Variants in TULP4 observed in about 807,000 individuals in gnomAD.
TULP4 encodes the protein tubby-related protein 4.
Under a neutral mutation model 129.0 loss-of-function variants are expected in TULP4, and 16 were observed. That is an observed-to-expected ratio of 0.12 (90% CI 0.08 to 0.19). The LOEUF is 0.19. Among genes scored for constraint, TULP4 ranks in the 10% least tolerant of loss-of-function variants. The pLI is 1.00. For synonymous variants in TULP4, 998 were observed against 854.0 expected (o/e 1.17, Z -2.94); for missense variants, 1,842 against 2,059.1 (o/e 0.89, Z 2.04).
At chr6:158,444,219 CAAAAAAAAAAAAAA>C (rs71030171) in intron 3 of TULP4, among the ~76,000 whole-genome samples, 2 of 34,130 alleles carry the variant, frequency 5.9e-5, no homozygotes, top group South Asian at 2.8e-3. Flanking sequence ...GACTCTGTCT[CAAAAAAAAAAAAAA>C]AAAAAAAAAA....
intron 1 of TULP4, among the ~76,000 whole-genome samples, chr6:158,233,050 T>G (rs1162351453): frequency 1.3e-5 from 2 of 152,234 alleles, no homozygotes; most frequent in Admixed American, 1.3e-4. Flanking sequence ...TTGGGGCAAT[T>G]AGCTGGGAGG....
chr6:158,281,160 GGTAT>G (rs1338162068), upstream of TULP4, among the ~76,000 whole-genome samples: 520 of 152,044 alleles, frequency 3.4e-3, 5 homozygotes, highest in African/African-American at 0.012. Flanking sequence ...GCATTTTACT[GGTAT>G]CTCAGCGAGG....
At chr6:158,454,247 A>C (rs1301646075) in intron 5 of TULP4, among the ~76,000 whole-genome samples, 1 of 152,112 alleles carries the variant, frequency 6.6e-6, no homozygotes, top group South Asian at 2.1e-4. Context: ...ATGAACTTAA[A>C]TTCCTGTGCT....
intron 1 of TULP4, among the ~76,000 whole-genome samples, chr6:158,379,564 T>C (rs1777277117): frequency 6.6e-6 from 1 of 152,164 alleles, no homozygotes; most frequent in Non-Finnish European, 1.5e-5. Flanking sequence ...AGTTTCTACG[T>C]GTTTAGCCTT....
chr6:158,385,988 G>A (rs1194399852), intron 1 of TULP4, among the ~76,000 whole-genome samples: 1 of 151,530 alleles, frequency 6.6e-6, no homozygotes, highest in African/African-American at 2.4e-5. Context: ...GGGACTACAA[G>A]TGTGCACCAC....
chr6:158,471,663 C>T (rs1270854844), intron 6 of TULP4, among the ~76,000 whole-genome samples: 12 of 152,118 alleles, frequency 7.9e-5, no homozygotes, highest in Admixed American at 7.9e-4. Flanking sequence ...GAGGCCAGGG[C>T]ATTGGCAAAA....
At position 158,493,433 on chromosome 6, in the gene TULP4, G is replaced by A. The variant is rs1385675176; in HGVS notation, c.1632-140G>A. 2 of 809,196 alleles carry A rather than the reference G, an allele frequency of 2.5e-6. No homozygotes were observed. Among genetic ancestry groups the A allele is most frequent in the Admixed American group, 3.2e-5 (1 of 31,330 alleles). The allele number at this position is 809,196 out of a possible 1,614,324, so 50.1% of individuals were successfully genotyped here. On this transcript the variant is annotated intron_variant, in intron 9 of 13. Transcript: ENST00000367097. This position sits in a 1 kb window ranked among gnomAD's most constrained non-coding sequence, Gnocchi z 4.4. ...AAAGCAAAAGCAAGGGGAGAGCTTT[G>A]TTAAATTCGGGCACTGGCTGCAGGG...
At position 158,502,055 on chromosome 6, in the gene TULP4, C is replaced by T. The variant is rs963372783; in HGVS notation, c.2392C>T (p.Leu798=). 6 of 1,613,468 alleles carry T rather than the reference C, an allele frequency of 3.7e-6. No homozygotes were observed. The African/African-American group carries it at 5.3e-5, about 14-fold the overall frequency. The change falls in exon 13 of 14, where the codon CTG becomes TTG. Residue 798 remains leucine (L), a synonymous_variant. Transcript: ENST00000367097. ...VGHGDRDHEH[L]QKSAKALRPT... is the part of the protein sequence containing the mutation. ...CCATGGAGACCGAGACCACGAACAC[C>T]TGCAGAAGTCAGCCAAGGCCCTGCG... is the stretch of plus-strand genomic sequence containing the variant.
intron 1 of TULP4, among the ~76,000 whole-genome samples, chr6:158,354,097 G>A (rs1255570383): frequency 1.3e-5 from 2 of 152,182 alleles, no homozygotes; most frequent in African/African-American, 2.4e-5. Flanking sequence ...GTTTCCTGAG[G>A]AGTGCCTTTG....
intron 1 of TULP4, among the ~76,000 whole-genome samples, chr6:158,241,079 C>T (rs1439334932): frequency 2.9e-5 from 4 of 138,682 alleles, no homozygotes; most frequent in African/African-American, 1.0e-4. Context: ...GGGTCTCGGC[C>T]GGGCAGAGGC....
intron 8 of TULP4, among the ~76,000 whole-genome samples, chr6:158,486,183 A>G (rs982200359): frequency 1.3e-5 from 2 of 152,184 alleles, no homozygotes; most frequent in Admixed American, 1.3e-4. Flanking sequence ...CCTGACTCCC[A>G]ATGTGACTGT....
rs1778711065 is a variant in TULP4 at position 158,434,587 on chromosome 6, C to A, written c.543+4690C>A. ...CCTTGGGTTTAGGAGAATACCTTGC[C>A]CCTTGATATGTGAAAATTATTTGAG... On this transcript the variant is annotated intron_variant, in intron 3 of 13. Coordinates refer to ENST00000367097, the MANE Select transcript of TULP4 (RefSeq NM_020245.5). Among the ~76,000 whole-genome samples, 3 of 152,064 alleles carry A rather than the reference C, an allele frequency of 2.0e-5. No homozygotes were observed. The South Asian group carries it at 6.2e-4, about 32-fold the overall frequency.
chr6:158,378,320 T>C (rs1207234478), intron 1 of TULP4, among the ~76,000 whole-genome samples: 1 of 152,168 alleles, frequency 6.6e-6, no homozygotes, highest in East Asian at 1.9e-4. Flanking sequence ...TTTTGCAATC[T>C]GCAAAATTGT....
At chr6:158,378,071 G>A (rs948819631) in intron 1 of TULP4, among the ~76,000 whole-genome samples, 2 of 152,146 alleles carry the variant, frequency 1.3e-5, no homozygotes, top group African/African-American at 4.8e-5. Flanking sequence ...TGTCCAGTAG[G>A]CTAGCCTGGG....
intron 6 of TULP4, among the ~76,000 whole-genome samples, chr6:158,469,358 C>T (rs1779622595): frequency 6.6e-6 from 1 of 151,886 alleles, no homozygotes. Flanking sequence ...ACTGCAACCT[C>T]CACCTCCTGG....
chr6:158,364,937 A>G (rs199694384), intron 1 of TULP4, among the ~76,000 whole-genome samples: 65 of 151,908 alleles, frequency 4.3e-4, no homozygotes, highest in African/African-American at 9.9e-4. Flanking sequence ...GGGTTTCACC[A>G]TGTTAGTCAG....
Position 158,502,982 on chromosome 6 carries a change from C to T in TULP4, c.3319C>T (p.Pro1107Ser), listed in dbSNP as rs757712694. Residue 1107 changes from proline (P) to serine (S), a missense_variant, in exon 13 of 14, where the codon CCT becomes TCT. Physicochemically the swap from Pro to Ser is moderately conservative, Grantham distance 74. Around this residue, in one of 5 missense-constraint regions of TULP4, gnomAD observed 1,089 missense variants for 987.1 expected, o/e 1.10. Transcript: ENST00000367097. ...TCAGCTTGAGAAGCCCTTGAGGCAC[C>T]CTCCCCTGCCTGAAGCTGCTGTCAC... is the stretch of plus-strand genomic sequence containing the variant. The part of the protein sequence containing the change: ...HCQLEKPLRH[P>S]PLPEAAVTLK... 1.2e-6 allele frequency: 2 copies of T among 1,613,968 alleles called. No homozygotes were observed. The highest frequency in any genetic ancestry group is 1.7e-5 in the Admixed American group (1 of 60,024).
At chr6:158,305,866 T>G (rs1322806081) in intron 1 of TULP4, among the ~76,000 whole-genome samples, 2 of 152,194 alleles carry the variant, frequency 1.3e-5, no homozygotes, top group African/African-American at 2.4e-5. Flanking sequence ...AGTGTTGATT[T>G]GACAATATTC....
Position 158,269,458 on chromosome 6 carries a change from T to G in TULP4, n.68+37155T>G, listed in dbSNP as rs1309257554. Among the ~76,000 whole-genome samples, 3 of 151,896 alleles carry G rather than the reference T, an allele frequency of 2.0e-5. No homozygotes were observed. In the East Asian group the frequency reaches 5.8e-4, roughly 29 times the overall value. On this transcript the variant is annotated intron_variant and non_coding_transcript_variant, in intron 1 of 1. Coordinates refer to the TULP4 transcript ENST00000620026. ...ATGGAGTAAGATGCAAAGTGGGCCCTTCCTTAGTAATGGAGAAATCATTAG... is the reference window on the plus strand; with the variant it reads ...ATGGAGTAAGATGCAAAGTGGGCCCGTCCTTAGTAATGGAGAAATCATTAG...
Sources: gnomAD v4.1 joint callset for allele counts (sites outside exome capture counted in the v4.1 genomes callset) on GRCh38, gnomAD v4.1.1 for gene constraint, gnomAD v4.1.1 regional missense constraint, Gnocchi (gnomAD v3.1) non-coding constraint, MANE v1.5 for transcripts, NCBI Gene and HGNC (gene_info 2026-07-23, HGNC 2026-07-21) for gene names.